The following MCC variants were observed in gnomAD, a reference collection of about 807,000 sequenced individuals.
MCC encodes colorectal mutant cancer protein.
Under a neutral mutation model 116.2 loss-of-function variants are expected in MCC, and 90 were observed. That is an observed-to-expected ratio of 0.77 (90% confidence interval 0.65 to 0.92). The LOEUF (loss-of-function observed/expected upper bound fraction) is 0.92, where lower values mean the gene tolerates loss of function less well. MCC is among the 40% of genes least tolerant of loss of function. The pLI is 0.00. For missense variants in MCC, 1,516 were observed against 1,312.2 expected (o/e 1.16, Z -2.40); for synonymous variants, 578 against 510.5 (o/e 1.13, Z -1.78).
chr5:113,290,252 T>C (rs1389098627), intron 3 of MCC, among the ~76,000 whole-genome samples: 1 of 152,216 alleles, frequency 6.6e-6, no homozygotes, highest in African/African-American at 2.4e-5. Context: ...ACAAAATGAT[T>C]TGAATGAAGA....
At chr5:113,299,832 G>T (rs1258422326) in intron 3 of MCC, among the ~76,000 whole-genome samples, 1 of 152,194 alleles carries the variant, frequency 6.6e-6, no homozygotes, top group East Asian at 1.9e-4. Flanking sequence ...TCTGGGAGAA[G>T]GAGGAAAACC....
chr5:113,184,655 T>C (rs1023845019), intron 3 of MCC, among the ~76,000 whole-genome samples: 4 of 152,044 alleles, frequency 2.6e-5, no homozygotes, highest in African/African-American at 9.7e-5. Context: ...TATAACCCTA[T>C]AGGAACAGAG....
chr5:113,148,743 T>C (rs1279227725), intron 4 of MCC, among the ~76,000 whole-genome samples: 1 of 152,236 alleles, frequency 6.6e-6, no homozygotes, highest in Non-Finnish European at 1.5e-5. Context: ...TCATGTTCTC[T>C]TTCCTAGGTT....
At chr5:113,353,357 T>A (rs1768329860) in intron 2 of MCC, among the ~76,000 whole-genome samples, 1 of 152,198 alleles carries the variant, frequency 6.6e-6, no homozygotes, top group Non-Finnish European at 1.5e-5. Context: ...GTCCCAGCCA[T>A]GTCCTTAGCA....
At chr5:113,486,575 G>A (rs946468032) in intron 1 of MCC, among the ~76,000 whole-genome samples, 2 of 152,216 alleles carry the variant, frequency 1.3e-5, no homozygotes, top group Non-Finnish European at 2.9e-5. Flanking sequence ...GGGGAGCGGT[G>A]GCTCAGGCCT....
At chr5:113,435,097 G>A (rs1261898875) in intron 1 of MCC, 2 of 475,708 alleles carry the variant, frequency 4.2e-6, no homozygotes, top group African/African-American at 3.8e-5. Flanking sequence ...TTGGAATCCT[G>A]GAAGGCTGGC....
At chr5:113,230,166 T>C (rs1361545348) in intron 3 of MCC, among the ~76,000 whole-genome samples, 1 of 152,186 alleles carries the variant, frequency 6.6e-6, no homozygotes, top group Non-Finnish European at 1.5e-5. Flanking sequence ...AGGGCAGCAG[T>C]AAGTTTTGTT....
intron 5 of MCC, among the ~76,000 whole-genome samples, chr5:113,129,188 T>G (rs1342659329): frequency 1.3e-5 from 2 of 151,900 alleles, no homozygotes; most frequent in East Asian, 3.9e-4. Context: ...GTTAAAGGTG[T>G]GAGAGAGAGA....
At chr5:113,073,395 G>C (rs911043209) in intron 11 of MCC, among the ~76,000 whole-genome samples, 1 of 152,172 alleles carries the variant, frequency 6.6e-6, no homozygotes, top group Non-Finnish European at 1.5e-5. Flanking sequence ...TCCACACCCA[G>C]GTAAGCTTCC....
At chr5:113,413,552 T>G (rs1414893052) in intron 1 of MCC, among the ~76,000 whole-genome samples, 3 of 152,258 alleles carry the variant, frequency 2.0e-5, no homozygotes, top group Non-Finnish European at 4.4e-5. Context: ...TTCTAGTTTA[T>G]TTGCATAGAG....
At chr5:113,272,411 G>C (rs1375117708) in intron 3 of MCC, among the ~76,000 whole-genome samples, 1 of 152,132 alleles carries the variant, frequency 6.6e-6, no homozygotes, top group African/African-American at 2.4e-5. Flanking sequence ...CAGGTTGATA[G>C]GCTCTCCTTT....
chr5:113,115,348 A>G (rs1212240932), intron 6 of MCC, among the ~76,000 whole-genome samples: 1 of 152,206 alleles, frequency 6.6e-6, no homozygotes. Flanking sequence ...TTCTGACTAT[A>G]GATCTCTGTT....
chr5:113,285,772 G>T (rs1357137491), intron 3 of MCC, among the ~76,000 whole-genome samples: 1 of 152,126 alleles, frequency 6.6e-6, no homozygotes, highest in Non-Finnish European at 1.5e-5. Flanking sequence ...TACTGTCTAT[G>T]TATCTGTGTA....
intron 4 of MCC, among the ~76,000 whole-genome samples, chr5:113,148,203 G>A (rs1759641158): frequency 6.6e-6 from 1 of 152,250 alleles, no homozygotes; most frequent in Non-Finnish European, 1.5e-5. Context: ...GTTGATGCAT[G>A]TCTGTGCCCG....
chr5:113,139,952 C>T (rs1759082750), intron 5 of MCC, among the ~76,000 whole-genome samples: 1 of 152,002 alleles, frequency 6.6e-6, no homozygotes, highest in East Asian at 1.9e-4. Flanking sequence ...AGAGCTTCTG[C>T]ATAGCAAAAG....
chr5:113,391,297 T>G (rs1769395455), intron 1 of MCC, among the ~76,000 whole-genome samples: 1 of 152,188 alleles, frequency 6.6e-6, no homozygotes, highest in Admixed American at 6.5e-5. Context: ...TGGGTGGTAC[T>G]AAAACGCTGA....
At chr5:113,472,834 G>A (rs978750720) in intron 1 of MCC, among the ~76,000 whole-genome samples, 1 of 152,324 alleles carries the variant, frequency 6.6e-6, no homozygotes, top group South Asian at 2.1e-4. Flanking sequence ...CATGGTACAG[G>A]AGTTTTCCTC....
At chr5:113,206,207 T>A (rs1002477480) in intron 3 of MCC, among the ~76,000 whole-genome samples, 2 of 152,304 alleles carry the variant, frequency 1.3e-5, no homozygotes, top group South Asian at 4.2e-4. Flanking sequence ...AAAGGCAGCA[T>A]CCAAGCTTTA....
At chr5:113,333,381 C>G (rs1239742774) in intron 3 of MCC, among the ~76,000 whole-genome samples, 1 of 151,512 alleles carries the variant, frequency 6.6e-6, no homozygotes, top group Non-Finnish European at 1.5e-5. Flanking sequence ...GTTAAACCAG[C>G]CTAAAGTAAA....
Sources: gnomAD v4.1 joint callset for allele counts (sites outside exome capture counted in the v4.1 genomes callset) on GRCh38, gnomAD v4.1.1 for gene constraint, MANE v1.5 for transcripts, NCBI Gene and HGNC (gene_info 2026-07-23, HGNC 2026-07-21) for gene names.